Variants in BTBD9 observed in about 807,000 individuals in gnomAD.
The protein encoded by BTBD9 is BTB domain containing 9.
BTBD9 carries 49 observed loss-of-function variants against 64.3 expected under a neutral mutation model. That is an observed-to-expected ratio of 0.76 (90% CI 0.61 to 0.97). BTBD9 has a LOEUF of 0.97. Ranked by LOEUF, BTBD9 falls within the 50% of genes least tolerant of loss-of-function variation. The pLI is 0.00. For missense variants in BTBD9, 598 were observed against 762.1 expected (o/e 0.78, Z 2.53); for synonymous variants, 260 against 274.7 (o/e 0.95, Z 0.53).
chr6:38,234,045 T>C (rs2127519346), intron 9 of BTBD9, among the ~76,000 whole-genome samples: 1 of 152,388 alleles, frequency 6.6e-6, no homozygotes, highest in Admixed American at 6.5e-5. Flanking sequence ...ATCTAATGGA[T>C]GTTAATATTT....
At chr6:38,497,884 A>C (rs1219777568) in intron 6 of BTBD9, among the ~76,000 whole-genome samples, 2 of 152,226 alleles carry the variant, frequency 1.3e-5, no homozygotes, top group Non-Finnish European at 2.9e-5. Flanking sequence ...GCTAGGCTAC[A>C]GTCAAACTGC....
chr6:38,394,043 C>T (rs1342627676), intron 6 of BTBD9, among the ~76,000 whole-genome samples: 3 of 152,132 alleles, frequency 2.0e-5, no homozygotes, highest in African/African-American at 7.2e-5. Context: ...TCCACTCACC[C>T]ATCTATACCT....
intron 6 of BTBD9, among the ~76,000 whole-genome samples, chr6:38,391,631 T>C (rs1209649398): frequency 7.9e-6 from 1 of 125,956 alleles, no homozygotes; most frequent in Non-Finnish European, 1.5e-5. Flanking sequence ...TTGCTTGTTT[T>C]TCTTTTTTTT....
intron 6 of BTBD9, among the ~76,000 whole-genome samples, chr6:38,345,968 G>T (rs1478640154): frequency 6.6e-6 from 1 of 152,128 alleles, no homozygotes; most frequent in African/African-American, 2.4e-5. Flanking sequence ...ATTCCATGAG[G>T]GATGTGCCAC....
intron 7 of BTBD9, among the ~76,000 whole-genome samples, chr6:38,331,893 C>T (rs1763689039): frequency 6.6e-6 from 1 of 152,082 alleles, no homozygotes; most frequent in East Asian, 1.9e-4. Flanking sequence ...TACTTATGTA[C>T]TTCTGTATTG....
intron 6 of BTBD9, among the ~76,000 whole-genome samples, chr6:38,516,915 TCACTG>T (rs1773053522): frequency 6.6e-6 from 1 of 152,232 alleles, no homozygotes; most frequent in African/African-American, 2.4e-5. Flanking sequence ...CACAATTTGC[TCACTG>T]CACTCTGAAT....
intron 6 of BTBD9, among the ~76,000 whole-genome samples, chr6:38,550,348 G>A (rs1448523098): frequency 5.7e-5 from 8 of 139,578 alleles, no homozygotes; most frequent in East Asian, 2.0e-4. Context: ...ATGTTGCCTC[G>A]CTCTGTCGCC....
At chr6:38,399,645 T>TA (rs1766838585) in intron 6 of BTBD9, among the ~76,000 whole-genome samples, 1 of 152,058 alleles carries the variant, frequency 6.6e-6, no homozygotes, top group African/African-American at 2.4e-5. Context: ...GATTTTTTTT[T>TA]AAGCTGAACC....
chr6:38,505,199 T>C (rs1422986030), intron 6 of BTBD9, among the ~76,000 whole-genome samples: 1 of 152,228 alleles, frequency 6.6e-6, no homozygotes, highest in African/African-American at 2.4e-5. Context: ...TCCCAGGTGA[T>C]CTCATTCATT....
intron 1 of BTBD9, among the ~76,000 whole-genome samples, chr6:38,627,828 A>G (rs1778223345): frequency 6.6e-6 from 1 of 152,280 alleles, no homozygotes; most frequent in Non-Finnish European, 1.5e-5. Context: ...GGTACTAACT[A>G]AAAACTGCAG....
intron 9 of BTBD9, among the ~76,000 whole-genome samples, chr6:38,194,081 G>A (rs1209812138): frequency 1.7e-5 from 2 of 120,940 alleles, no homozygotes; most frequent in Non-Finnish European, 3.6e-5. Context: ...TTCTCGGTGG[G>A]CGACTGCTGT....
chr6:38,406,423 T>A (rs984904157), intron 6 of BTBD9, among the ~76,000 whole-genome samples: 2 of 152,190 alleles, frequency 1.3e-5, no homozygotes, highest in Admixed American at 6.5e-5. Flanking sequence ...GGAATATACA[T>A]ACATTACCAT....
At chr6:38,615,940 C>T (rs996871423) in intron 1 of BTBD9, among the ~76,000 whole-genome samples, 2 of 152,196 alleles carry the variant, frequency 1.3e-5, no homozygotes, top group African/African-American at 4.8e-5. Flanking sequence ...AAGATCCCTG[C>T]TCCCAGATAC....
chr6:38,489,812 C>T (rs1771622175), intron 6 of BTBD9, among the ~76,000 whole-genome samples: 2 of 152,136 alleles, frequency 1.3e-5, no homozygotes, highest in South Asian at 4.1e-4. Flanking sequence ...ACGTCCTATT[C>T]CCATTTTTCT....
At chr6:38,468,687 A>C (rs952112909) in intron 6 of BTBD9, among the ~76,000 whole-genome samples, 1 of 152,228 alleles carries the variant, frequency 6.6e-6, no homozygotes. Context: ...AGTCCTTTAA[A>C]ATTCAACTCA....
At chr6:38,234,606 A>G (rs755934641) in intron 9 of BTBD9, among the ~76,000 whole-genome samples, 1 of 152,252 alleles carries the variant, frequency 6.6e-6, no homozygotes, top group African/African-American at 2.4e-5. Context: ...CTGATAAAAT[A>G]ACAATAAACG....
intron 9 of BTBD9, among the ~76,000 whole-genome samples, chr6:38,248,300 GC>G (rs1200411595): frequency 1.3e-5 from 2 of 152,206 alleles, no homozygotes; most frequent in African/African-American, 4.8e-5. Flanking sequence ...GAAGCTAAAA[GC>G]TAGAAAGACT....
At chr6:38,262,486 A>G (rs1380850208) in intron 8 of BTBD9, among the ~76,000 whole-genome samples, 1 of 147,402 alleles carries the variant, frequency 6.8e-6, no homozygotes, top group Non-Finnish European at 1.5e-5. Context: ...TTTTTTTTTA[A>G]TTGATTAGCA....
chr6:38,479,593 C>T (rs2127378605), intron 6 of BTBD9, among the ~76,000 whole-genome samples: 1 of 152,326 alleles, frequency 6.6e-6, no homozygotes, highest in Non-Finnish European at 1.5e-5. Flanking sequence ...TTTCTGACTG[C>T]ATCCGTGTGA....
Sources: allele counts gnomAD v4.1 joint callset (sites outside exome capture counted in the v4.1 genomes callset), GRCh38; gene constraint gnomAD v4.1.1; transcripts MANE v1.5; gene names NCBI Gene and HGNC (gene_info 2026-07-23, HGNC 2026-07-21).